MYO5B: variants seen among roughly 807,000 people sequenced by gnomAD.
MYO5B encodes the protein myosin VB.
In MYO5B, 143 loss-of-function variants were observed where a neutral mutation model predicts 229.3. The observed-to-expected ratio is 0.62, with a 90% CI of 0.54 to 0.72. The LOEUF (loss-of-function observed/expected upper bound fraction) is 0.72, where lower values mean the gene tolerates loss of function less well. MYO5B is among the 30% of genes least tolerant of loss of function. The pLI is 0.00. For missense variants in MYO5B, 2,321 were observed against 2,331.0 expected, an observed-to-expected ratio of 1.00 and a Z score of 0.09; for synonymous variants, 918 against 885.2, an observed-to-expected ratio of 1.04 and a Z score of -0.66.
chr18:50,074,671 G>C (rs959540601), intron 1 of MYO5B, among the ~76,000 whole-genome samples: 1 of 152,002 alleles, frequency 6.6e-6, no homozygotes, highest in Non-Finnish European at 1.5e-5. Flanking sequence ...AGCTTTTCCC[G>C]ACCAACTAAT....
Position 49,894,955 on chromosome 18 carries a change from C to CGCGA in MYO5B, c.3030_3031insTCGC (p.Asp1011SerfsTer3). ...CCTGAGCATACCTTCCTCAGCTCAT[C>CGCGA]TTTCTCCCTGCTGTGGGCGTCCTCC... is the stretch of plus-strand genomic sequence containing the variant. On this transcript the variant is annotated frameshift_variant, in exon 22 of 40. Transcript: ENST00000285039. LOFTEE classifies it high-confidence loss of function. 6.2e-7 allele frequency: 1 copy of CGCGA among 1,613,168 alleles called. No individual in the cohort carries two copies. The highest frequency in any genetic ancestry group is 1.1e-5 in the South Asian group (1 of 91,082).
chr18:49,935,538 G>T (rs561580856), intron 16 of MYO5B, among the ~76,000 whole-genome samples: 1 of 152,338 alleles, frequency 6.6e-6, no homozygotes, highest in East Asian at 1.9e-4. Flanking sequence ...ATCATTCTTG[G>T]GGGGTGGCAG....
At chr18:50,189,852 G>A (rs1599091606) in intron 1 of MYO5B, among the ~76,000 whole-genome samples, 1 of 152,222 alleles carries the variant, frequency 6.6e-6, no homozygotes, top group South Asian at 2.1e-4. Flanking sequence ...ACTGTTAAAG[G>A]ACACCTGCCC....
intron 1 of MYO5B, among the ~76,000 whole-genome samples, chr18:50,179,824 G>A (rs1441240693): frequency 1.3e-5 from 2 of 152,154 alleles, no homozygotes; most frequent in African/African-American, 4.8e-5. Context: ...AATGCCTAAA[G>A]CATCCTTAGA....
intron 17 of MYO5B, among the ~76,000 whole-genome samples, chr18:49,928,083 G>T (rs190788232): frequency 8.2e-4 from 124 of 152,136 alleles, no homozygotes; most frequent in East Asian, 5.8e-3. Context: ...AAGGACATGA[G>T]AAAATAATTC....
At chr18:49,973,628 G>A (rs2025714069) in intron 10 of MYO5B, among the ~76,000 whole-genome samples, 1 of 152,186 alleles carries the variant, frequency 6.6e-6, no homozygotes, top group Non-Finnish European at 1.5e-5. Context: ...GACCTAGAAA[G>A]AACCTCAGGG....
Position 49,904,859 on chromosome 18 carries a change from G to A in MYO5B, c.2415-31C>T, listed in dbSNP as rs2024882156. ...GAGCAAGAGGAAACAGGCAGTGTCA[G>A]GGAGAGAGTATTGACCGCCCTGATG... On this transcript the variant is annotated intron_variant, in intron 19 of 39. Transcript: ENST00000285039. 8 of 1,611,080 alleles carry A rather than the reference G, an allele frequency of 5.0e-6. No homozygotes were observed. In the East Asian group the frequency reaches 1.8e-4, roughly 36 times the overall value.
At chr18:49,869,719 T>A (rs2024436543) in intron 27 of MYO5B, among the ~76,000 whole-genome samples, 1 of 152,060 alleles carries the variant, frequency 6.6e-6, no homozygotes, top group Non-Finnish European at 1.5e-5. Flanking sequence ...GGTAGTACAG[T>A]GGTTCTCAGA....
chr18:49,936,250 A>T lies in MYO5B; in HGVS notation c.2003+2T>A, dbSNP rs727505394. The stretch of plus-strand genomic sequence containing the variant: ...ACAGGCTAATGCCCAGCAGGCACTT[A>T]CTGAAAGGGGAGCTTCTCATCGTTG... On this transcript the variant is annotated splice_donor_variant, in intron 16 of 39. Coordinates refer to ENST00000285039, the MANE Select transcript of MYO5B (RefSeq NM_001080467.3). LOFTEE classifies it high-confidence loss of function. 2 of 1,588,224 alleles carry T rather than the reference A, an allele frequency of 1.3e-6. No homozygotes were observed. Among genetic ancestry groups the T allele is most frequent in the Admixed American group, 3.5e-5 (2 of 56,534 alleles).
At chr18:50,054,786 A>T (rs2030499543) in intron 2 of MYO5B, among the ~76,000 whole-genome samples, 1 of 152,198 alleles carries the variant, frequency 6.6e-6, no homozygotes, top group Admixed American at 6.5e-5. Context: ...TCTTATTCTC[A>T]AAACAGCCCT....
intron 17 of MYO5B, among the ~76,000 whole-genome samples, chr18:49,916,872 C>T (rs1384944044): frequency 4.6e-5 from 7 of 152,216 alleles, no homozygotes; most frequent in Non-Finnish European, 7.3e-5. Context: ...AAGAAAGGCT[C>T]CCTCACCTTT....
chr18:49,987,430 T>C (rs1426283708), intron 7 of MYO5B, among the ~76,000 whole-genome samples: 2 of 152,104 alleles, frequency 1.3e-5, no homozygotes, highest in African/African-American at 4.8e-5. Flanking sequence ...TTCAGGCCCA[T>C]AAAGCTGAAC....
At chr18:49,873,297 T>A (rs9967576) in intron 26 of MYO5B, among the ~76,000 whole-genome samples, 36,536 of 152,104 alleles carry the variant, frequency 0.24, 4,511 homozygotes, top group East Asian at 0.42. Context: ...TAGTCCCTGA[T>A]TAAGATGGAT....
intron 1 of MYO5B, 67 bp from the exon 2 acceptor site, chr18:50,055,445 C>T: frequency 2.2e-6 from 3 of 1,355,324 alleles, no homozygotes; most frequent in Non-Finnish European, 3.2e-6. Flanking sequence ...ATGTGTGTCA[C>T]TACCTAGAAA....
rs147197775 is a variant in MYO5B, at chr18:49,871,570, T to A, written c.3603+597A>T. 306 of 156,578 alleles carry A rather than the reference T, an allele frequency of 2.0e-3. 1 individual carries two copies. The highest frequency in any genetic ancestry group is 6.2e-3 in the African/African-American group (257 of 41,598). The allele number at this position is 156,578 out of a possible 1,614,324, so 9.7% of individuals were successfully genotyped here. A position where few individuals can be genotyped will look rare whatever the true frequency, so the allele number is the denominator to read the frequency against. On this transcript the variant is annotated intron_variant, in intron 27 of 39. Coordinates refer to ENST00000285039, the MANE Select transcript of MYO5B (RefSeq NM_001080467.3). ...GTTATTTATTTTTTGACAAGTCAAG[T>A]GCAGCAGTAAGACAGGGGAAGGAAT...
At chr18:49,939,935 G>C (rs1468861891) in intron 14 of MYO5B, among the ~76,000 whole-genome samples, 1 of 145,804 alleles carries the variant, frequency 6.9e-6, no homozygotes, top group Non-Finnish European at 1.5e-5. Context: ...GCTAAGGCAA[G>C]CTACCTACTG....
At position 49,992,542 on chromosome 18, in the gene MYO5B, C is replaced by A. The variant is rs1015857286; in HGVS notation, c.613-111G>T. The A allele has an allele frequency of 2.9e-5, 43 of 1,476,250 alleles. No homozygotes were observed. The African/African-American group carries it at 3.7e-4, about 13-fold the overall frequency. The allele number at this position is 1,476,250 out of a possible 1,614,324, so 91.4% of individuals were successfully genotyped here. ...CCTTTCTCTTCCTTACTTACAGAAA[C>A]CCTCTGTTCTTGGGATGACAATGAA... On this transcript the variant is annotated intron_variant, in intron 5 of 39. Coordinates refer to ENST00000285039, the MANE Select transcript of MYO5B (RefSeq NM_001080467.3).
intron 17 of MYO5B, among the ~76,000 whole-genome samples, chr18:49,927,585 A>T (rs959042117): frequency 1.3e-5 from 2 of 152,222 alleles, no homozygotes; most frequent in Admixed American, 6.5e-5. Context: ...AGAACCCAGA[A>T]ATAAGACCAA....
Position 49,980,470 on chromosome 18 carries a change from G to T in MYO5B, c.1030C>A (p.Arg344Ser), listed in dbSNP as rs777672829. 1.2e-6 allele frequency: 2 copies of T among 1,613,068 alleles called. No homozygotes were observed. The highest frequency in any genetic ancestry group is 1.7e-6 in the Non-Finnish European group (2 of 1,179,198). ...GATATACTACAGGAATCACCATCAC[G>T]CTCAGCCTGAATCGCCACACTTCCA... is the stretch of plus-strand genomic sequence containing the variant. ...HLGSVAIQAERDGDSCSISPQ... is the reference protein window; with the variant it reads ...HLGSVAIQAESDGDSCSISPQ... Residue 344 changes from arginine to serine, a missense_variant, in exon 9 of 40, where the codon CGT becomes AGT. Arg to Ser is a moderately radical substitution (Grantham distance 110, BLOSUM62 -1). Around this residue, in one of 2 missense-constraint regions of MYO5B, gnomAD observed 2,113 missense variants for 2,044.7 expected, o/e 1.03. Transcript: ENST00000285039.
Sources: gnomAD v4.1 joint callset for allele counts (sites outside exome capture counted in the v4.1 genomes callset) on GRCh38, gnomAD v4.1.1 for gene constraint, gnomAD v4.1.1 regional missense constraint, MANE v1.5 for transcripts, NCBI Gene and HGNC (gene_info 2026-07-23, HGNC 2026-07-21) for gene names.